The following SPAG16 variants were observed in gnomAD, a reference collection of about 807,000 sequenced individuals.
SPAG16 encodes the protein sperm associated antigen 16.
SPAG16 carries 86 observed loss-of-function variants against 80.4 expected under a neutral mutation model. The ratio of observed to expected loss-of-function variants is 1.07; its 90% CI spans 0.90 to 1.28. The LOEUF is 1.28. Ranked by LOEUF, SPAG16 falls within the 50% of genes most tolerant of loss-of-function variation. The pLI, the probability that SPAG16 is intolerant of heterozygous loss-of-function variation, is 0.00. For synonymous variants in SPAG16, 294 were observed against 265.9 expected, an observed-to-expected ratio of 1.11 and a Z score of -1.03; for missense variants, 870 against 765.3, an observed-to-expected ratio of 1.14 and a Z score of -1.61.
At chr2:214,371,306 G>T (rs1020333944) in intron 15 of SPAG16, among the ~76,000 whole-genome samples, 1 of 152,062 alleles carries the variant, frequency 6.6e-6, no homozygotes, top group Non-Finnish European at 1.5e-5. Context: ...GCCGAGGCGG[G>T]CAGATCACAT....
chr2:213,508,398 C>G (rs1033855587), intron 10 of SPAG16, among the ~76,000 whole-genome samples: 1 of 152,078 alleles, frequency 6.6e-6, no homozygotes, highest in African/African-American at 2.4e-5. Flanking sequence ...AGGTGAAACC[C>G]CGTCTCTACT....
At chr2:214,400,075 T>G (rs933787419) in intron 15 of SPAG16, among the ~76,000 whole-genome samples, 3 of 152,070 alleles carry the variant, frequency 2.0e-5, no homozygotes, top group African/African-American at 7.2e-5. Context: ...TCACAAGGGA[T>G]TTCTGTAATA....
intron 11 of SPAG16, among the ~76,000 whole-genome samples, chr2:213,892,974 A>C (rs1235443845): frequency 6.6e-6 from 1 of 152,164 alleles, no homozygotes; most frequent in Non-Finnish European, 1.5e-5. Context: ...GAACAACATC[A>C]TACAGATTTG....
intron 10 of SPAG16, among the ~76,000 whole-genome samples, chr2:213,772,978 T>C (rs931977884): frequency 1.1e-4 from 17 of 152,142 alleles, no homozygotes; most frequent in African/African-American, 3.4e-4. Context: ...ATATGTTCTA[T>C]TTTACTTATT....
At chr2:214,329,154 A>C (rs1696710070) in intron 15 of SPAG16, among the ~76,000 whole-genome samples, 1 of 152,256 alleles carries the variant, frequency 6.6e-6, no homozygotes, top group Non-Finnish European at 1.5e-5. Flanking sequence ...TCAGAGAACA[A>C]AGCTGTCTTT....
chr2:213,834,824 A>C (rs962515371), intron 10 of SPAG16, among the ~76,000 whole-genome samples: 1 of 152,192 alleles, frequency 6.6e-6, no homozygotes, highest in Non-Finnish European at 1.5e-5. Flanking sequence ...TAAATAACAA[A>C]GGAATCATAT....
intron 10 of SPAG16, among the ~76,000 whole-genome samples, chr2:213,823,391 GCTCT>G (rs561973175): frequency 0.011 from 1,714 of 152,052 alleles, 11 homozygotes; most frequent in Non-Finnish European, 0.013. Context: ...ACAGAGTTTT[GCTCT>G]TGTTGCCCAG....
At chr2:214,095,161 C>T (rs1372668137) in intron 13 of SPAG16, among the ~76,000 whole-genome samples, 2 of 152,056 alleles carry the variant, frequency 1.3e-5, no homozygotes, top group Non-Finnish European at 2.9e-5. Context: ...CAACCCCCTT[C>T]ATAGCGTTTA....
At chr2:213,421,663 C>T (rs2069595890) in intron 9 of SPAG16, among the ~76,000 whole-genome samples, 1 of 152,186 alleles carries the variant, frequency 6.6e-6, no homozygotes, top group Admixed American at 6.5e-5. Flanking sequence ...CACGTATTTC[C>T]CCTCTTCTGA....
intron 11 of SPAG16, among the ~76,000 whole-genome samples, chr2:213,885,780 A>G (rs142720619): frequency 2.0e-3 from 298 of 152,276 alleles, no homozygotes; most frequent in African/African-American, 6.9e-3. Context: ...AATCTATGAG[A>G]TAAACCTTAC....
chr2:213,560,024 T>A (rs1001440832), intron 10 of SPAG16, among the ~76,000 whole-genome samples: 55 of 152,216 alleles, frequency 3.6e-4, no homozygotes, highest in African/African-American at 1.3e-3. Flanking sequence ...CCACCCAGCC[T>A]GGATATGGAT....
chr2:213,564,340 T>C (rs1032302990), intron 10 of SPAG16, among the ~76,000 whole-genome samples: 20 of 151,630 alleles, frequency 1.3e-4, no homozygotes, highest in African/African-American at 4.4e-4. Flanking sequence ...GCTAAAAATA[T>C]AAAAATAAGC....
chr2:214,298,245 A>G (rs1207908007), intron 15 of SPAG16, among the ~76,000 whole-genome samples: 1 of 151,586 alleles, frequency 6.6e-6, no homozygotes, highest in Non-Finnish European at 1.5e-5. Context: ...CTTGAATGTT[A>G]TTGTTGTATA....
chr2:214,170,349 G>A (rs1407518606), intron 15 of SPAG16, among the ~76,000 whole-genome samples: 1 of 151,702 alleles, frequency 6.6e-6, no homozygotes, highest in Non-Finnish European at 1.5e-5. Flanking sequence ...TTTCATTGCT[G>A]CAATTCTACC....
chr2:213,595,247 T>G (rs2060847670), intron 10 of SPAG16, among the ~76,000 whole-genome samples: 1 of 152,182 alleles, frequency 6.6e-6, no homozygotes, highest in South Asian at 2.1e-4. Flanking sequence ...TATGAACTTT[T>G]CCTTTTATTT....
chr2:213,456,535 T>C (rs1182552812), intron 9 of SPAG16, among the ~76,000 whole-genome samples: 1 of 152,206 alleles, frequency 6.6e-6, no homozygotes. Flanking sequence ...CCTTAATAGA[T>C]TTTCATTTGA....
intron 15 of SPAG16, among the ~76,000 whole-genome samples, chr2:214,211,874 C>T (rs139382996): frequency 6.6e-6 from 1 of 152,222 alleles, no homozygotes; most frequent in African/African-American, 2.4e-5. Flanking sequence ...ACATTCCACC[C>T]ATCAGCAAGT....
At chr2:213,299,482 G>A (rs1437553384) in intron 3 of SPAG16, among the ~76,000 whole-genome samples, 1 of 150,456 alleles carries the variant, frequency 6.6e-6, no homozygotes, top group Non-Finnish European at 1.5e-5. Flanking sequence ...GTTTCACCAT[G>A]TTAGCCAGGT....
chr2:214,190,644 G>A (rs1428678391), intron 15 of SPAG16, among the ~76,000 whole-genome samples: 1 of 152,038 alleles, frequency 6.6e-6, no homozygotes, highest in African/African-American at 2.4e-5. Context: ...CAAATGTGAT[G>A]GTTTTCAGAT....
Sources: gnomAD v4.1 joint callset for allele counts (sites outside exome capture counted in the v4.1 genomes callset) on GRCh38, gnomAD v4.1.1 for gene constraint, MANE v1.5 for transcripts, NCBI Gene and HGNC (gene_info 2026-07-23, HGNC 2026-07-21) for gene names.